Variants in HLCS observed in about 807,000 individuals in gnomAD.
HLCS encodes biotin--protein ligase.
A neutral mutation model predicts 75.0 loss-of-function variants in HLCS; 53 were observed. That is an observed-to-expected ratio of 0.71 (90% CI 0.57 to 0.89). The LOEUF is 0.89. Ranked by LOEUF, HLCS falls within the 40% of genes least tolerant of loss-of-function variation. The pLI is 0.00. For missense variants in HLCS, 966 were observed against 1,074.0 expected (o/e 0.90, Z 1.41); for synonymous variants, 431 against 428.6 (o/e 1.01, Z -0.07).
At chr21:36,755,915 T>C (rs934321106) in intron 10 of HLCS, among the ~76,000 whole-genome samples, 5 of 152,230 alleles carry the variant, frequency 3.3e-5, no homozygotes, top group African/African-American at 9.6e-5. Flanking sequence ...CCTGGAAGGT[T>C]TGACAATTTA....
At chr21:36,755,947 C>T (rs894888159) in intron 10 of HLCS, among the ~76,000 whole-genome samples, 10 of 152,318 alleles carry the variant, frequency 6.6e-5, no homozygotes, top group African/African-American at 2.4e-4. Context: ...TGTTTCCTCA[C>T]AATTAGAATC....
chr21:36,877,976 T>G (rs909246489), intron 6 of HLCS, among the ~76,000 whole-genome samples: 1 of 152,158 alleles, frequency 6.6e-6, no homozygotes, highest in Non-Finnish European at 1.5e-5. Context: ...CTGCATGAAA[T>G]GCTGTTTTCC....
chr21:36,873,957 AT>A (rs2063861204), intron 6 of HLCS, among the ~76,000 whole-genome samples: 1 of 152,152 alleles, frequency 6.6e-6, no homozygotes, highest in Admixed American at 6.5e-5. Context: ...GCTTTCTGTC[AT>A]CAGTTTAAGA....
rs1414685494 is a variant in HLCS, at chr21:36,842,909, T to A, written c.1892+53951A>T. 6.6e-6 allele frequency among the ~76,000 whole-genome samples: 1 copy of A among 152,158 alleles called. No homozygotes were observed. The highest frequency in any genetic ancestry group is 1.9e-4 in the East Asian group (1 of 5,190). ...AGGGGCCCCGGGCCAGGGAGCAACA[T>A]CCTCTCTCACCAATGATCTCTTTAC... On this transcript the variant is annotated intron_variant, in intron 6 of 10. Transcript: ENST00000674895. The surrounding 1 kb of genome is among the most constrained non-coding windows in gnomAD (Gnocchi z 4.2).
chr21:36,973,631 C>T (rs2068854555), intron 1 of HLCS: 1 of 152,100 alleles, frequency 6.6e-6, no homozygotes, highest in African/African-American at 2.4e-5. Context: ...CTATTTCTAC[C>T]AATCAACAAA....
At chr21:36,890,133 G>A (rs1407520515) in intron 6 of HLCS, among the ~76,000 whole-genome samples, 1 of 152,178 alleles carries the variant, frequency 6.6e-6, no homozygotes, top group African/African-American at 2.4e-5. Context: ...TTCACCTTCC[G>A]CCACGATTGT....
chr21:36,872,320 G>A (rs574821358), intron 6 of HLCS, among the ~76,000 whole-genome samples: 1 of 151,876 alleles, frequency 6.6e-6, no homozygotes, highest in East Asian at 1.9e-4. Context: ...CTACTCGGGA[G>A]GCGGAGTTTG....
chr21:36,757,016 T>A, intron 9 of HLCS: 1 of 894,162 alleles, frequency 1.1e-6, no homozygotes, highest in Non-Finnish European at 1.3e-6. Context: ...GAAAGCCACA[T>A]TTGATTCAAT....
chr21:36,815,664 G>A (rs553317053), intron 6 of HLCS, among the ~76,000 whole-genome samples: 2 of 152,196 alleles, frequency 1.3e-5, no homozygotes, highest in South Asian at 2.1e-4. Context: ...TTGAGATTTC[G>A]GGACCTGGCC....
intron 6 of HLCS, among the ~76,000 whole-genome samples, chr21:36,889,351 T>G (rs1291956658): frequency 6.6e-6 from 1 of 152,214 alleles, no homozygotes; most frequent in Non-Finnish European, 1.5e-5. Context: ...CGGTTTCACG[T>G]CATTTCACTC....
At chr21:36,919,116 CT>C (rs1444510590) in intron 5 of HLCS, among the ~76,000 whole-genome samples, 1 of 152,112 alleles carries the variant, frequency 6.6e-6, no homozygotes, top group East Asian at 1.9e-4. Flanking sequence ...CTGGGAATTC[CT>C]TCCAAATAAT....
chr21:36,947,312 C>G, intron 2 of HLCS: 2 of 983,112 alleles, frequency 2.0e-6, no homozygotes, highest in Non-Finnish European at 2.4e-6. Context: ...AGTTTCTCCA[C>G]TCTGCCAACT....
intron 6 of HLCS, among the ~76,000 whole-genome samples, chr21:36,781,589 C>G (rs1041789482): frequency 6.6e-6 from 1 of 152,128 alleles, no homozygotes; most frequent in Non-Finnish European, 1.5e-5. Context: ...ATATCCTGCT[C>G]TATTACTGAA....
At chr21:36,873,384 G>C (rs2063840934) in intron 6 of HLCS, among the ~76,000 whole-genome samples, 1 of 152,148 alleles carries the variant, frequency 6.6e-6, no homozygotes, top group Non-Finnish European at 1.5e-5. Context: ...CCAAAGTGCT[G>C]GGATCACAAG....
intron 6 of HLCS, among the ~76,000 whole-genome samples, chr21:36,837,152 C>T (rs534030415): frequency 1.3e-5 from 2 of 152,328 alleles, no homozygotes; most frequent in African/African-American, 4.8e-5. Flanking sequence ...CACTGCACTC[C>T]AGCCTGGGCA....
chr21:36,924,492 A>G (rs1479020354), intron 5 of HLCS, among the ~76,000 whole-genome samples: 1 of 152,156 alleles, frequency 6.6e-6, no homozygotes, highest in Non-Finnish European at 1.5e-5. Context: ...CCCAGGAAGC[A>G]GAGGCTGCAG....
At chr21:36,981,805 A>G (rs2069127135) in intron 1 of HLCS, among the ~76,000 whole-genome samples, 1 of 152,116 alleles carries the variant, frequency 6.6e-6, no homozygotes, top group African/African-American at 2.4e-5. Flanking sequence ...CAGCACAAAA[A>G]TTTCAAGCAA....
chr21:36,816,911 T>A (rs1312224730), intron 6 of HLCS, among the ~76,000 whole-genome samples: 1 of 152,168 alleles, frequency 6.6e-6, no homozygotes, highest in East Asian at 1.9e-4. Flanking sequence ...TGTGATGATA[T>A]ACTAAGTACT....
At chr21:36,974,230 A>G (rs1274792142) in intron 1 of HLCS, 1 of 152,336 alleles carries the variant, frequency 6.6e-6, no homozygotes, top group East Asian at 1.9e-4. Flanking sequence ...CAGGGGAAGA[A>G]GGCGGAAAAA....
Sources: allele counts gnomAD v4.1 joint callset (sites outside exome capture counted in the v4.1 genomes callset), GRCh38; gene constraint gnomAD v4.1.1; non-coding constraint Gnocchi (gnomAD v3.1); transcripts MANE v1.5; gene names NCBI Gene and HGNC (gene_info 2026-07-23, HGNC 2026-07-21).